The following SETD1B variants were observed in gnomAD, a reference collection of about 807,000 sequenced individuals.
The protein encoded by SETD1B is histone-lysine N-methyltransferase SETD1B.
In SETD1B, 7 loss-of-function variants were observed where a neutral mutation model predicts 148.0. The ratio of observed to expected loss-of-function variants is 0.05; its 90% confidence interval spans 0.03 to 0.09. The LOEUF is 0.09. Among genes scored for constraint, SETD1B ranks in the 10% least tolerant of loss-of-function variants. SETD1B has a pLI of 1.00. For synonymous variants in SETD1B, 1,361 were observed against 1,186.5 expected (o/e 1.15, Z -3.02); for missense variants, 2,155 against 2,729.9 (o/e 0.79, Z 4.69).
At position 121,817,336 on chromosome 12, in the gene SETD1B, C is replaced by T. The variant is rs866017064; in HGVS notation, c.2978-34C>T. The stretch of plus-strand genomic sequence containing the variant: ...CTGGGGTCCCCTTCTTCCGCATCCC[C>T]CCAGCCCAGCTCTGACTCCCTCCCT... On this transcript the variant is annotated intron_variant, in intron 8 of 16. Transcript: ENST00000604567. The surrounding 1 kb of genome is among the most constrained non-coding windows in gnomAD (Gnocchi z 8.1). 1.2e-5 allele frequency: 19 copies of T among 1,538,138 alleles called. No individual in the cohort carries two copies. The Admixed American group carries it at 3.6e-4, about 29-fold the overall frequency.
rs1363800446 is a variant in SETD1B at position 121,822,600 on chromosome 12, G to A, written c.4021G>A (p.Glu1341Lys). ...PRPPSPPPEP[E>K]TTDASHPSVP... ...GCCACCCAGCCCACCGCCGGAGCCT[G>A]AGACCACAGATGCCTCACACCCATC... The change falls in exon 12 of 17, where the codon GAG becomes AAG. Residue 1341 changes from glutamate (E) to lysine (K), a missense_variant. Physicochemically the swap from Glu to Lys is moderately conservative, Grantham distance 56. Around this residue, in one of 11 missense-constraint regions of SETD1B, gnomAD observed 862 missense variants for 873.8 expected, o/e 0.99. Transcript: ENST00000604567. 1.9e-6 allele frequency: 3 copies of A among 1,550,668 alleles called. No homozygotes were observed. In the South Asian group the frequency reaches 3.6e-5, roughly 18 times the overall value.
In SETD1B at chr12:121,822,962, C is replaced by T. The variant is rs1022415963; in HGVS notation, c.4383C>T (p.Pro1461=). The T allele has an allele frequency of 1.9e-6, 3 of 1,538,554 alleles. No homozygotes were observed. The highest frequency in any genetic ancestry group is 2.6e-6 in the Non-Finnish European group (3 of 1,142,168). ...PTGRRDERSG[P]LASPVLLETG... ...GCCGACGCGATGAACGCTCCGGGCC[C>T]CTGGCCTCCCCGGTGCTCCTGGAGA... The change falls in exon 12 of 17, where the codon CCC becomes CCT. Residue 1461 remains proline, a synonymous_variant. Transcript: ENST00000604567.
intron 6 of SETD1B, among the ~76,000 whole-genome samples, chr12:121,812,878 C>T (rs77812712): frequency 0.017 from 2,622 of 152,184 alleles, 99 homozygotes; most frequent in African/African-American, 0.06. Flanking sequence ...CTGCAGTTTT[C>T]CTCTGAGGCC....
intron 4 of SETD1B, among the ~76,000 whole-genome samples, chr12:121,806,654 G>A (rs1014045634): frequency 6.6e-6 from 1 of 152,188 alleles, no homozygotes; most frequent in Non-Finnish European, 1.5e-5. Flanking sequence ...CGACAGAGCC[G>A]CCGGGGAAGA....
intron 4 of SETD1B, among the ~76,000 whole-genome samples, chr12:121,807,875 T>C (rs1875826075): frequency 7.5e-6 from 1 of 134,064 alleles, no homozygotes; most frequent in South Asian, 2.7e-4. Context: ...GACCTGGCTC[T>C]GTGGGTGCCA....
chr12:121,812,102 A>AGGG (rs920388993), intron 6 of SETD1B, among the ~76,000 whole-genome samples: 3 of 152,030 alleles, frequency 2.0e-5, no homozygotes, highest in African/African-American at 7.2e-5. Flanking sequence ...CCGCCAGCGC[A>AGGG]GGGAGTCGCC....
chr12:121,813,260 C>T (rs1436364493), intron 6 of SETD1B, among the ~76,000 whole-genome samples: 1 of 152,268 alleles, frequency 6.6e-6, no homozygotes, highest in Non-Finnish European at 1.5e-5. Context: ...TAGCCCCACG[C>T]GGGCCCACAC....
chr12:121,822,905 C>G lies in SETD1B; in HGVS notation c.4326C>G (p.Pro1442=). Residue 1442 remains proline (P), a synonymous_variant, in exon 12 of 17, where the codon CCC becomes CCG. Transcript: ENST00000604567. ...CCACCTTCTCCGAGCCCAGCGGGCC[C>G]TTGCTCCTGCCCGTCTGCCCACTCC... ...FTPTFSEPSG[P]LLLPVCPLPT... 2 of 1,502,760 alleles carry G rather than the reference C, an allele frequency of 1.3e-6. No individual in the cohort carries two copies. The highest frequency in any genetic ancestry group is 1.8e-6 in the Non-Finnish European group (2 of 1,121,602). The allele number at this position is 1,502,760 out of a possible 1,614,324, so 93.1% of individuals were successfully genotyped here. A position where few individuals can be genotyped will look rare whatever the true frequency, so the allele number is the denominator to read the frequency against.
chr12:121,803,962 G>T, upstream of SETD1B: 1 of 158,678 alleles, frequency 6.3e-6, no homozygotes, highest in Non-Finnish European at 1.4e-5. This position sits in a 1 kb window ranked among gnomAD's most constrained non-coding sequence, Gnocchi z 4.7. Context: ...AGGAGGAGGA[G>T]GAGGAAGAGG....
At position 121,822,890 on chromosome 12, in the gene SETD1B, C is replaced by G. The variant is rs1188498420; in HGVS notation, c.4311C>G (p.Ser1437=). The G allele has an allele frequency of 6.7e-7, 1 of 1,491,844 alleles. No individual in the cohort carries two copies. Among genetic ancestry groups the G allele is most frequent in the African/African-American group, 1.4e-5 (1 of 71,284 alleles). 92.4% of individuals were successfully genotyped at this position (1,491,844 alleles called of 1,614,324 possible). A position where few individuals can be genotyped will look rare whatever the true frequency, so the allele number is the denominator to read the frequency against. Residue 1437 remains serine, a synonymous_variant, in exon 12 of 17, where the codon TCC becomes TCG. Coordinates refer to ENST00000604567, the MANE Select transcript of SETD1B (RefSeq NM_001353345.2). Reference sequence around the variant, plus strand: ...ACTTCAGCTTCACACCCACCTTCTCCGAGCCCAGCGGGCCCTTGCTCCTGC... The same window carrying G: ...ACTTCAGCTTCACACCCACCTTCTCGGAGCCCAGCGGGCCCTTGCTCCTGC... ...GRDFSFTPTF[S]EPSGPLLLPV... is the part of the protein sequence containing the mutation.
chr12:121,801,753 A>G (rs1264495440), upstream of SETD1B: 1 of 152,246 alleles, frequency 6.6e-6, no homozygotes, highest in Admixed American at 6.5e-5. Context: ...CACTTCTGCA[A>G]ACTTTCCAGG....
intron 13 of SETD1B, among the ~76,000 whole-genome samples, chr12:121,826,084 A>T (rs1027282118): frequency 1.3e-5 from 2 of 151,678 alleles, no homozygotes; most frequent in Non-Finnish European, 2.9e-5. Context: ...TTTTTAAATT[A>T]AAAAAAAATT....
chr12:121,806,122 A>T lies in SETD1B; in HGVS notation c.544+17A>T. 6.5e-7 allele frequency: 1 copy of T among 1,548,980 alleles called. No homozygotes were observed. Among genetic ancestry groups the T allele is most frequent in the Admixed American group, 2.0e-5 (1 of 50,964 alleles). ...ACACCAAAGGTGAGCCTGGCAGGGG[A>T]GGAGCGTGGGGAGACCTGTCAGCCC... On this transcript the variant is annotated intron_variant, in intron 4 of 16. Coordinates refer to ENST00000604567, the MANE Select transcript of SETD1B (RefSeq NM_001353345.2).
chr12:121,809,724 G>C lies in SETD1B; in HGVS notation c.779G>C (p.Ser260Thr). Residue 260 changes from serine (S) to threonine (T), a missense_variant, in exon 6 of 17, where the codon AGC becomes ACC. Ser to Thr is a moderately conservative substitution (Grantham distance 58). Around this residue, in one of 11 missense-constraint regions of SETD1B, gnomAD observed 376 missense variants for 385.0 expected, o/e 0.98. Transcript: ENST00000604567. ...TTCTCCCAGGACACAGCTTATTCCA[G>C]CTGCCGCCTGGACACACCCAACTCC... ...TPFSQDTAYS[S>T]CRLDTPNSYG... 8.4e-6 allele frequency: 13 copies of C among 1,551,518 alleles called. No homozygotes were observed. The highest frequency in any genetic ancestry group is 1.1e-5 in the Non-Finnish European group (13 of 1,146,970).
intron 11 of SETD1B, among the ~76,000 whole-genome samples, chr12:121,821,437 A>T (rs1158637437): frequency 9.1e-6 from 1 of 109,574 alleles, no homozygotes; most frequent in Non-Finnish European, 1.9e-5. Flanking sequence ...AGACTGTCTT[A>T]AAAAAAAAAA....
rs759745090 is a variant in SETD1B at position 121,805,255 on chromosome 12, C to G, written c.273+39C>G. ...CCACTGCCCCGCCGTCCCTCCCCCACCTCCCCGAGTTCGAAAATAACGCCA... is the reference window on the plus strand; with the variant it reads ...CCACTGCCCCGCCGTCCCTCCCCCAGCTCCCCGAGTTCGAAAATAACGCCA... On this transcript the variant is annotated intron_variant, in intron 3 of 16. Coordinates refer to ENST00000604567, the MANE Select transcript of SETD1B (RefSeq NM_001353345.2). This position sits in a 1 kb window ranked among gnomAD's most constrained non-coding sequence, Gnocchi z 4.2. 1.4e-6 allele frequency: 2 copies of G among 1,469,920 alleles called. No individual in the cohort carries two copies. Among genetic ancestry groups the G allele is most frequent in the South Asian group, 2.4e-5 (2 of 82,382 alleles). The allele number at this position is 1,469,920 out of a possible 1,614,324, so 91.1% of individuals were successfully genotyped here. A position where few individuals can be genotyped will look rare whatever the true frequency, so the allele number is the denominator to read the frequency against.
chr12:121,825,989 T>C (rs546482392), intron 13 of SETD1B, among the ~76,000 whole-genome samples: 1 of 152,254 alleles, frequency 6.6e-6, no homozygotes, highest in East Asian at 1.9e-4. Context: ...GTTGAGTACA[T>C]GCTGTGTACC....
In SETD1B at chr12:121,804,387, C is replaced by T. The variant is rs922822862; in HGVS notation, c.-15+154C>T. Reference sequence around the variant, plus strand: ...TCGCGCCAGAGCCGGGCCGAGCTAGCGGGTGAGCGCCACGCCGGGCGGCCG... The same window carrying T: ...TCGCGCCAGAGCCGGGCCGAGCTAGTGGGTGAGCGCCACGCCGGGCGGCCG... On this transcript the variant is annotated intron_variant, in intron 1 of 16. Coordinates refer to ENST00000604567, the MANE Select transcript of SETD1B (RefSeq NM_001353345.2). This position sits in a 1 kb window ranked among gnomAD's most constrained non-coding sequence, Gnocchi z 4.6. Among the ~76,000 whole-genome samples, 3 of 146,878 alleles carry T rather than the reference C, an allele frequency of 2.0e-5. No homozygotes were observed. The highest frequency in any genetic ancestry group is 7.4e-5 in the African/African-American group (3 of 40,722).
Position 121,806,223 on chromosome 12 carries a change from A to G in SETD1B, c.544+118A>G, listed in dbSNP as rs1312869508. 6 of 1,135,270 alleles carry G rather than the reference A, an allele frequency of 5.3e-6. No individual in the cohort carries two copies. In the South Asian group the frequency reaches 7.9e-5, roughly 15 times the overall value. 70.3% of individuals were successfully genotyped at this position (1,135,270 alleles called of 1,614,324 possible). ...CTCTTCCTTGGGATCCCCCCCCACA[A>G]CCTTATTTCTTAGCCCCCTCCTGAG... On this transcript the variant is annotated intron_variant, in intron 4 of 16. Coordinates refer to ENST00000604567, the MANE Select transcript of SETD1B (RefSeq NM_001353345.2).
Sources: gnomAD v4.1 joint callset for allele counts (sites outside exome capture counted in the v4.1 genomes callset) on GRCh38, gnomAD v4.1.1 for gene constraint, gnomAD v4.1.1 regional missense constraint, Gnocchi (gnomAD v3.1) non-coding constraint, MANE v1.5 for transcripts, NCBI Gene and HGNC (gene_info 2026-07-23, HGNC 2026-07-21) for gene names.